EPG5: variants seen among roughly 807,000 people sequenced by gnomAD.
EPG5 encodes the protein ectopic P-granules 5 autophagy tethering factor.
EPG5 carries 159 observed loss-of-function variants against 302.7 expected under a neutral mutation model. That is an observed-to-expected ratio of 0.53 (90% CI 0.46 to 0.60). EPG5 has a LOEUF of 0.60. EPG5 is among the 20% of genes least tolerant of loss of function. EPG5 has a pLI of 0.00. For synonymous variants in EPG5, 1,158 were observed against 1,136.8 expected, an observed-to-expected ratio of 1.02 and a Z score of -0.37; for missense variants, 2,896 against 3,092.4, an observed-to-expected ratio of 0.94 and a Z score of 1.51.
intron 41 of EPG5, 88 bp from the exon 42 acceptor site, chr18:45,858,156 T>C (rs2048556360): frequency 2.1e-6 from 2 of 966,970 alleles, no homozygotes; most frequent in Non-Finnish European, 3.1e-6. Flanking sequence ...GTTTGAAGGA[T>C]AGGAGACATT....
At chr18:45,842,041 A>G in the EPG5 span, 5 of 1,457,748 alleles carry the variant, frequency 3.4e-6, no homozygotes, top group South Asian at 5.7e-5. Flanking sequence ...CTGCTGGCAT[A>G]TAGTTTGGGC....
intron 27 of EPG5, among the ~76,000 whole-genome samples, chr18:45,895,323 T>C (rs1009268668): frequency 6.6e-6 from 1 of 152,186 alleles, no homozygotes; most frequent in Non-Finnish European, 1.5e-5. Context: ...GAAATCTAGA[T>C]TTGGAACTCA....
chr18:45,915,237 C>G (rs1430945014), intron 20 of EPG5, among the ~76,000 whole-genome samples: 2 of 151,004 alleles, frequency 1.3e-5, no homozygotes, highest in Admixed American at 1.3e-4. Flanking sequence ...GAGATCGCGC[C>G]ATTGCACTCC....
At chr18:45,940,358 T>C (rs1429232841) in intron 9 of EPG5, among the ~76,000 whole-genome samples, 1 of 151,938 alleles carries the variant, frequency 6.6e-6, no homozygotes, top group Admixed American at 6.6e-5. Context: ...CTGAGTGCAG[T>C]GGGGAGCACA....
In EPG5 at chr18:45,923,365, G is replaced by A. The variant is rs1461759787; in HGVS notation, c.2741C>T (p.Ala914Val). The change falls in exon 15 of 44, where the codon GCA (alanine) becomes GTA (valine). Residue 914 changes from alanine to valine, a missense_variant. By Grantham distance (64) the Ala-to-Val change is moderately conservative. Transcript: ENST00000282041. Reference sequence around the variant, plus strand: ...CATTAAAGCCACTTCAGCATGGACTGCTTGATCCAGATGAAGGGTAGCCTT... The same window carrying A: ...CATTAAAGCCACTTCAGCATGGACTACTTGATCCAGATGAAGGGTAGCCTT... ...AKQATLHLDQ[A>V]VHAEVALMVL... is the part of the protein sequence containing the mutation. The A allele has an allele frequency of 6.2e-6, 10 of 1,613,606 alleles. No individual in the cohort carries two copies. The highest frequency in any genetic ancestry group is 2.2e-5 in the East Asian group (1 of 44,864).
At chr18:45,860,617 T>C (rs2048615342) in intron 39 of EPG5, among the ~76,000 whole-genome samples, 1 of 152,146 alleles carries the variant, frequency 6.6e-6, no homozygotes, top group Non-Finnish European at 1.5e-5. Flanking sequence ...AATAGACAAA[T>C]CTGAAGCTGG....
chr18:45,891,014 CA>C (rs1307783069), intron 27 of EPG5, among the ~76,000 whole-genome samples: 2 of 152,182 alleles, frequency 1.3e-5, no homozygotes, highest in Non-Finnish European at 2.9e-5. Context: ...CTGTCTTCCC[CA>C]AACACATGGG....
the EPG5 span, among the ~76,000 whole-genome samples, chr18:45,811,822 C>A: frequency 6.6e-6 from 1 of 152,126 alleles, no homozygotes; most frequent in African/African-American, 2.4e-5. Context: ...ACTGAGTGGG[C>A]AAAAACTGGA....
At chr18:45,894,381 AC>A (rs1240193932) in intron 27 of EPG5, among the ~76,000 whole-genome samples, 1 of 152,082 alleles carries the variant, frequency 6.6e-6, no homozygotes, top group African/African-American at 2.4e-5. Context: ...AATTGTTTGA[AC>A]CCAGGAGGCG....
chr18:45,870,681 T>C lies in EPG5; in HGVS notation c.6111A>G (p.Ala2037=), dbSNP rs1055996236. ...ACTCTGGCATTTTGGGTGCTGTACA[T>C]GCTTCACAATAATGCATCAGGTGCA... ...LWLHLMHYCE[A]CTAPKMPEFI... is the part of the protein sequence containing the mutation. Residue 2037 remains alanine (A), a synonymous_variant, in exon 36 of 44, where the codon GCA becomes GCG. Coordinates refer to ENST00000282041, the MANE Select transcript of EPG5 (RefSeq NM_020964.3). The C allele has an allele frequency of 3.7e-6, 6 of 1,613,486 alleles. No individual in the cohort carries two copies. The highest frequency in any genetic ancestry group is 1.1e-5 in the South Asian group (1 of 91,048).
intron 1 of EPG5, among the ~76,000 whole-genome samples, chr18:45,960,583 A>G (rs1573404): frequency 0.12 from 18,730 of 152,230 alleles, 1,625 homozygotes; most frequent in East Asian, 0.29. Context: ...AATTTTACAA[A>G]AAGAGTTGAT....
At position 45,911,455 on chromosome 18, in the gene EPG5, T is replaced by A. The variant is rs1383486285; in HGVS notation, c.3984-713A>T. 6.0e-5 allele frequency among the ~76,000 whole-genome samples: 9 copies of A among 151,186 alleles called. No individual in the cohort carries two copies. The East Asian group carries it at 1.2e-3, about 20-fold the overall frequency. Reference sequence around the variant, plus strand: ...CACCCGCCACCACGCCTGGCTAATTTTTTTGTATTTTTTTTTTTAGTAGAG... The same window carrying A: ...CACCCGCCACCACGCCTGGCTAATTATTTTGTATTTTTTTTTTTAGTAGAG... On this transcript the variant is annotated intron_variant, in intron 22 of 43. Transcript: ENST00000282041.
chr18:45,954,510 A>G lies in EPG5; in HGVS notation c.892T>C (p.Ser298Pro). ...AGCAGCAGTTGCTTCCTACATCGTG[A>G]GTAGTTCAAAAGCAACTCATAAAAT... ...HEFYELLLNY[S>P]RCRKQLLLAE... is the part of the protein sequence containing the mutation. The change falls in exon 2 of 44, where the codon TCA (serine) becomes CCA (proline). Residue 298 changes from serine (S) to proline (P), a missense_variant. By Grantham distance (74) the Ser-to-Pro change is moderately conservative (BLOSUM62 -1). This residue lies in a region of EPG5 where 1,390 missense variants were observed against 1,430.0 expected (regional missense o/e 0.97). Coordinates refer to ENST00000282041, the MANE Select transcript of EPG5 (RefSeq NM_020964.3). 2 of 1,614,270 alleles carry G rather than the reference A, an allele frequency of 1.2e-6. No homozygotes were observed. The highest frequency in any genetic ancestry group is 1.7e-6 in the Non-Finnish European group (2 of 1,180,046).
At chr18:45,918,039 A>C (rs1174666362) in intron 16 of EPG5, among the ~76,000 whole-genome samples, 1 of 152,228 alleles carries the variant, frequency 6.6e-6, no homozygotes, top group Non-Finnish European at 1.5e-5. Context: ...AGGAAGGTGA[A>C]GTATCATGCC....
At chr18:45,802,377 G>A in the EPG5 span, among the ~76,000 whole-genome samples, 7 of 152,146 alleles carry the variant, frequency 4.6e-5, no homozygotes, top group East Asian at 1.9e-4. Context: ...AAAATTAGCC[G>A]GGCATGATGG....
intron 4 of EPG5, among the ~76,000 whole-genome samples, chr18:45,950,832 C>T (rs966537158): frequency 1.3e-5 from 2 of 152,178 alleles, no homozygotes; most frequent in African/African-American, 2.4e-5. Flanking sequence ...TCTTCAATTT[C>T]GCATACTTCC....
At chr18:45,835,111 T>C in the EPG5 span, among the ~76,000 whole-genome samples, 15 of 149,482 alleles carry the variant, frequency 1.0e-4, no homozygotes, top group Admixed American at 8.0e-4. Flanking sequence ...TAAAAGCAGG[T>C]TGTATGAAAA....
At position 45,904,160 on chromosome 18, in the gene EPG5, T is replaced by C. The variant is rs114132677; in HGVS notation, c.4330-43A>G. ...TACTTTAACTCTGACAGACAAGTCA[T>C]AGATTCACATATAAAACTATGTATT... On this transcript the variant is annotated intron_variant, in intron 24 of 43. Coordinates refer to ENST00000282041, the MANE Select transcript of EPG5 (RefSeq NM_020964.3). 6.9e-6 allele frequency: 11 copies of C among 1,588,018 alleles called. No homozygotes were observed. In the Admixed American group the frequency reaches 1.1e-4, roughly 16 times the overall value.
At chr18:45,838,473 T>G in the EPG5 span, 1 of 560,660 alleles carries the variant, frequency 1.8e-6, no homozygotes, top group African/African-American at 2.0e-5. Flanking sequence ...AGCATGAATT[T>G]GCCAAATCTT....
Sources: gnomAD v4.1 joint callset for allele counts (sites outside exome capture counted in the v4.1 genomes callset) on GRCh38, gnomAD v4.1.1 for gene constraint, gnomAD v4.1.1 regional missense constraint, MANE v1.5 for transcripts, NCBI Gene and HGNC (gene_info 2026-07-23, HGNC 2026-07-21) for gene names.